TM9SF2: variants seen among roughly 807,000 people sequenced by gnomAD.
TM9SF2 encodes the protein 76 kDa membrane protein.
A neutral mutation model predicts 84.9 loss-of-function variants in TM9SF2; 13 were observed. The observed-to-expected ratio is 0.15, with a 90% CI of 0.10 to 0.24. The LOEUF is 0.24. Ranked by LOEUF, TM9SF2 falls within the 10% of genes least tolerant of loss-of-function variation. The pLI is 1.00. For synonymous variants in TM9SF2, 273 were observed against 285.8 expected (o/e 0.96, Z 0.45); for missense variants, 562 against 818.5 (o/e 0.69, Z 3.82).
At chr13:99,518,685 A>G (rs923057797) in intron 2 of TM9SF2, among the ~76,000 whole-genome samples, 5 of 151,782 alleles carry the variant, frequency 3.3e-5, no homozygotes, top group Non-Finnish European at 5.9e-5. Context: ...CAGCCACAAC[A>G]TCCTGGGCTT....
At chr13:99,529,428 A>AT (rs1482593991) in intron 3 of TM9SF2, 39 bp from the exon 4 acceptor site, 4 of 1,466,596 alleles carry the variant, frequency 2.7e-6, no homozygotes, top group Non-Finnish European at 3.6e-6. Context: ...AAACCTGGAT[A>AT]TTTTTTCTGA....
At chr13:99,534,822 A>G (rs1174890287) in intron 4 of TM9SF2, among the ~76,000 whole-genome samples, 1 of 152,194 alleles carries the variant, frequency 6.6e-6, no homozygotes, top group East Asian at 1.9e-4. Flanking sequence ...TTAAATAAAT[A>G]CTACTTGTTA....
intron 1 of TM9SF2, 40 bp from the exon 2 acceptor site, chr13:99,517,574 C>G: frequency 7.3e-7 from 1 of 1,366,500 alleles, no homozygotes; most frequent in Non-Finnish European, 1.0e-6. Context: ...GCTTTGTGTC[C>G]TGTTGTTTAT....
intron 1 of TM9SF2, among the ~76,000 whole-genome samples, chr13:99,517,065 AT>A (rs1409656082): frequency 1.3e-5 from 2 of 152,064 alleles, no homozygotes; most frequent in Admixed American, 6.5e-5. Context: ...TTTAAAAACT[AT>A]TGGAGACATT....
chr13:99,531,646 G>A (rs1463162127), intron 4 of TM9SF2, among the ~76,000 whole-genome samples: 1 of 152,128 alleles, frequency 6.6e-6, no homozygotes, highest in Non-Finnish European at 1.5e-5. Context: ...AGGCTAGTGG[G>A]GCTCTGTTGG....
intron 16 of TM9SF2, among the ~76,000 whole-genome samples, chr13:99,560,805 C>A (rs1247170639): frequency 1.3e-5 from 2 of 152,080 alleles, no homozygotes; most frequent in Non-Finnish European, 2.9e-5. Flanking sequence ...CCTCAGCCTC[C>A]CGAGTAGCTG....
intron 10 of TM9SF2, among the ~76,000 whole-genome samples, chr13:99,545,903 C>G (rs555082765): frequency 8.0e-4 from 122 of 152,200 alleles, no homozygotes; most frequent in African/African-American, 2.8e-3. Flanking sequence ...CTGTCTTCTG[C>G]GATGCTCTGG....
intron 14 of TM9SF2, 62 bp downstream of exon 14, chr13:99,554,517 T>G: frequency 6.6e-7 from 1 of 1,526,120 alleles, no homozygotes; most frequent in Non-Finnish European, 8.9e-7. Context: ...TCCTTTTTGT[T>G]TGTTTATATG....
Position 99,562,813 on chromosome 13 carries a change from A to C in TM9SF2, c.*55A>C, listed in dbSNP as rs1261931036. On this transcript the variant is annotated 3_prime_UTR_variant, in exon 17 of 17. Coordinates refer to ENST00000376387, the MANE Select transcript of TM9SF2 (RefSeq NM_004800.3). ...AATAAATTAAACTCTTCATCAACAA[A>C]GACCTGTTTTTGTGACTGCCTTGAG... The C allele has an allele frequency of 6.4e-7, 1 of 1,561,490 alleles. No homozygotes were observed. Among genetic ancestry groups the C allele is most frequent in the Non-Finnish European group, 8.8e-7 (1 of 1,142,114 alleles).
At chr13:99,546,365 C>A (rs928165294) in intron 10 of TM9SF2, among the ~76,000 whole-genome samples, 1 of 152,110 alleles carries the variant, frequency 6.6e-6, no homozygotes, top group African/African-American at 2.4e-5. Context: ...CATTTTAATT[C>A]TCATTAGTAG....
intron 12 of TM9SF2, among the ~76,000 whole-genome samples, chr13:99,549,606 T>A (rs1225707938): frequency 6.6e-6 from 1 of 152,184 alleles, no homozygotes; most frequent in Non-Finnish European, 1.5e-5. Context: ...AGCATTGCCA[T>A]TTTTTAGAGT....
chr13:99,554,158 A>G (rs2046317141), intron 13 of TM9SF2, 146 bp from the exon 14 acceptor site: 2 of 940,652 alleles, frequency 2.1e-6, no homozygotes, highest in South Asian at 1.7e-5. Flanking sequence ...TCCAAAGACA[A>G]ATTTCAGTTT....
rs557758907 is a variant in TM9SF2, at chr13:99,524,017, G to A, written c.333+3888G>A. ...TAGCTGAAGAGAGGCCCCAAGGTGT[G>A]TAACTTGAGCAGGTGAGCAAGATAG... On this transcript the variant is annotated intron_variant, in intron 3 of 16. Transcript: ENST00000376387. Among the ~76,000 whole-genome samples the A allele has an allele frequency of 3.3e-5, 5 of 152,296 alleles. No homozygotes were observed. In the South Asian group the frequency reaches 8.3e-4, roughly 25 times the overall value.
chr13:99,543,639 C>A (rs9557253), intron 9 of TM9SF2, among the ~76,000 whole-genome samples: 3 of 152,034 alleles, frequency 2.0e-5, no homozygotes, highest in Non-Finnish European at 4.4e-5. Context: ...TATTTGTAGA[C>A]CTTAATGTCA....
At chr13:99,527,262 TCTGACG>T (rs573705511) in intron 3 of TM9SF2, among the ~76,000 whole-genome samples, 3 of 152,148 alleles carry the variant, frequency 2.0e-5, no homozygotes, top group Non-Finnish European at 4.4e-5. Context: ...AGTAGTCCGT[TCTGACG>T]CTGCTGTGAA....
At chr13:99,536,563 G>A in intron 4 of TM9SF2, 45 bp from the exon 5 acceptor site, 2 of 1,594,956 alleles carry the variant, frequency 1.3e-6, no homozygotes, top group East Asian at 2.3e-5. Context: ...TCTTTGTCAT[G>A]TTTGGTGGGT....
intron 16 of TM9SF2, 94 bp from the exon 17 acceptor site, chr13:99,562,597 T>A: frequency 1.6e-6 from 2 of 1,285,512 alleles, no homozygotes; most frequent in Non-Finnish European, 2.2e-6. Context: ...GTTTTGCGAC[T>A]TTTTTAAGGA....
chr13:99,525,167 G>A (rs2046177310), intron 3 of TM9SF2, among the ~76,000 whole-genome samples: 1 of 152,152 alleles, frequency 6.6e-6, no homozygotes, highest in Admixed American at 6.6e-5. Context: ...CAACTGTCTT[G>A]AGGACTTTTA....
At chr13:99,531,418 G>A (rs148994084) in intron 4 of TM9SF2, among the ~76,000 whole-genome samples, 1 of 152,276 alleles carries the variant, frequency 6.6e-6, no homozygotes, top group African/African-American at 2.4e-5. Context: ...TAGGAACCGT[G>A]GATCTCAGCT....
Sources: allele counts gnomAD v4.1 joint callset (sites outside exome capture counted in the v4.1 genomes callset), GRCh38; gene constraint gnomAD v4.1.1; transcripts MANE v1.5; gene names NCBI Gene and HGNC (gene_info 2026-07-23, HGNC 2026-07-21).